Variants in ZNF721 observed in about 807,000 individuals in gnomAD.
ZNF721 encodes the protein zinc finger protein 721.
Under a neutral mutation model 2.4 loss-of-function variants are expected in ZNF721, and 2 were observed. The ratio of observed to expected loss-of-function variants is 0.82; its 90% CI spans 0.34 to 2.58. ZNF721 has a LOEUF of 2.58. Among genes scored for constraint, ZNF721 ranks in the 30% most tolerant of loss-of-function variants. ZNF721 has a pLI of 0.11. For missense variants in ZNF721, 1,187 were observed against 1,085.5 expected (o/e 1.09, Z -1.31); for synonymous variants, 398 against 381.8 (o/e 1.04, Z -0.50).
intron 2 of ZNF721, among the ~76,000 whole-genome samples, chr4:457,871 T>A (rs1714893355): frequency 1.3e-5 from 2 of 152,128 alleles, no homozygotes; most frequent in South Asian, 4.1e-4. Context: ...AGCAGTCCTA[T>A]AACCAAGCTC....
intron 1 of ZNF721, among the ~76,000 whole-genome samples, chr4:477,254 CTTTTTT>C (rs35272784): frequency 1.3e-5 from 1 of 74,166 alleles, no homozygotes; most frequent in Admixed American, 1.8e-4. Context: ...TGGTGAGTTC[CTTTTTT>C]TTTTTTTTTT....
Position 441,776 on chromosome 4 carries a change from G to C in ZNF721, c.2691C>G (p.Asp897Glu), listed in dbSNP as rs369168911. 5.5e-5 allele frequency: 89 copies of C among 1,612,132 alleles called. No individual in the cohort carries two copies. The highest frequency in any genetic ancestry group is 7.4e-5 in the Non-Finnish European group (87 of 1,179,534). ...CAGACTGTCTAAAGGTTTTGCCACA[G>C]TCTCCACACGTGTAGGGTTTCTCTC... ...HTGEKPYTCG[D>E]CGKTFRQSAN... Residue 897 changes from aspartate (D) to glutamate (E), a missense_variant, in exon 3 of 3, where the codon GAC becomes GAG. Transcript: ENST00000511833.
chr4:487,222 T>C (rs1250328192), intron 1 of ZNF721, among the ~76,000 whole-genome samples: 1 of 152,226 alleles, frequency 6.6e-6, no homozygotes. Flanking sequence ...CTTGAATCTC[T>C]TATTTGCACT....
At chr4:494,213 G>A (rs1253193236) in intron 1 of ZNF721, among the ~76,000 whole-genome samples, 1 of 144,448 alleles carries the variant, frequency 6.9e-6, no homozygotes, top group African/African-American at 2.6e-5. Flanking sequence ...ACGGAATCTC[G>A]CTCTGTCACC....
At chr4:490,362 G>A (rs1225387155) in intron 1 of ZNF721, among the ~76,000 whole-genome samples, 1 of 152,104 alleles carries the variant, frequency 6.6e-6, no homozygotes, top group East Asian at 2.0e-4. Context: ...TGTAGTCCCA[G>A]CTACTCAGGA....
chr4:493,017 T>C (rs1553871719), intron 1 of ZNF721, among the ~76,000 whole-genome samples: 1 of 152,006 alleles, frequency 6.6e-6, no homozygotes. Context: ...TTATTTAATA[T>C]AGCTTTATAT....
chr4:489,594 A>G (rs1553871165), intron 1 of ZNF721, among the ~76,000 whole-genome samples: 1 of 152,124 alleles, frequency 6.6e-6, no homozygotes, highest in African/African-American at 2.4e-5. Flanking sequence ...CCTGAGGAGA[A>G]AAGTTGGTAG....
rs1208930438 is a variant in ZNF721 at position 440,608 on chromosome 4, C to A, written c.*1087G>T. 3 of 152,124 alleles carry A rather than the reference C, an allele frequency of 2.0e-5. No homozygotes were observed. The highest frequency in any genetic ancestry group is 7.2e-5 in the African/African-American group (3 of 41,424). The allele number at this position is 152,124 out of a possible 1,614,324, so 9.4% of individuals were successfully genotyped here. A position where few individuals can be genotyped will look rare whatever the true frequency, so the allele number is the denominator to read the frequency against. ...AGTCTTAATTTTAGCCTAAATATTT[C>A]TTCACATTTACTGCACCTACAAATT... On this transcript the variant is annotated 3_prime_UTR_variant, in exon 3 of 3. Coordinates refer to ENST00000511833, the MANE Select transcript of ZNF721 (RefSeq NM_133474.4).
Position 441,758 on chromosome 4 carries a change from T to G in ZNF721, c.2709A>C (p.Arg903Ser), listed in dbSNP as rs1714245019. Reference protein sequence around the residue: ...YTCGDCGKTFRQSANLYAHKK... With the variant: ...YTCGDCGKTFSQSANLYAHKK... ...TATGTGCATAAAGATTTGCAGACTG[T>G]CTAAAGGTTTTGCCACAGTCTCCAC... Residue 903 changes from arginine to serine, a missense_variant, in exon 3 of 3, where the codon AGA (arginine) becomes AGC (serine). Coordinates refer to ENST00000511833, the MANE Select transcript of ZNF721 (RefSeq NM_133474.4). 6.2e-7 allele frequency: 1 copy of G among 1,613,580 alleles called. No individual in the cohort carries two copies. Among genetic ancestry groups the G allele is most frequent in the African/African-American group, 1.3e-5 (1 of 74,922 alleles).
chr4:455,616 G>C (rs2108698247), intron 2 of ZNF721, among the ~76,000 whole-genome samples: 1 of 148,762 alleles, frequency 6.7e-6, no homozygotes, highest in South Asian at 2.1e-4. Flanking sequence ...ATTATGTGAA[G>C]ACAGTAAAAA....
intron 1 of ZNF721, among the ~76,000 whole-genome samples, chr4:489,657 C>G (rs527796043): frequency 7.9e-5 from 12 of 152,318 alleles, no homozygotes; most frequent in South Asian, 2.1e-4. Flanking sequence ...CCCTCACTTT[C>G]TTGAGGTCAG....
intron 1 of ZNF721, among the ~76,000 whole-genome samples, chr4:490,336 T>G (rs1489444313): frequency 6.6e-6 from 1 of 151,632 alleles, no homozygotes; most frequent in Non-Finnish European, 1.5e-5. Context: ...ATTAGCCAGG[T>G]GTGGTGGCAG....
At chr4:453,732 G>A (rs1373719752) in intron 2 of ZNF721, 2 of 152,188 alleles carry the variant, frequency 1.3e-5, no homozygotes, top group Non-Finnish European at 1.5e-5. Flanking sequence ...TTGAAGAATC[G>A]TCCGTGACAA....
chr4:465,224 A>C (rs1169772745), intron 2 of ZNF721, among the ~76,000 whole-genome samples: 1 of 152,126 alleles, frequency 6.6e-6, no homozygotes, highest in Non-Finnish European at 1.5e-5. Context: ...CTCTACAAAA[A>C]AATACCAAAA....
chr4:490,603 G>T (rs1381107187), intron 1 of ZNF721, among the ~76,000 whole-genome samples: 3 of 152,114 alleles, frequency 2.0e-5, no homozygotes, highest in Non-Finnish European at 2.9e-5. Flanking sequence ...ATTTTTTAGA[G>T]GTTTGCTTTC....
chr4:485,120 G>A (rs1244230814), intron 1 of ZNF721, among the ~76,000 whole-genome samples: 3 of 152,064 alleles, frequency 2.0e-5, no homozygotes, highest in Admixed American at 2.0e-4. Flanking sequence ...TGATCTGCCT[G>A]CCTCGGCCTC....
intron 2 of ZNF721, among the ~76,000 whole-genome samples, chr4:457,382 T>C (rs1358413918): frequency 6.6e-6 from 1 of 152,182 alleles, no homozygotes; most frequent in Non-Finnish European, 1.5e-5. Flanking sequence ...GAGGGCTGTA[T>C]TGAAAAGACA....
intron 1 of ZNF721, among the ~76,000 whole-genome samples, chr4:494,958 CGGCTCACT>C (rs1716112465): frequency 6.7e-6 from 1 of 149,502 alleles, no homozygotes; most frequent in Non-Finnish European, 1.5e-5. Flanking sequence ...GGCGCCATCT[CGGCTCACT>C]GCAAGCTCCG....
At position 465,911 on chromosome 4, in the gene ZNF721, A is replaced by C. The variant is rs115980036; in HGVS notation, c.34+6664T>G. Among the ~76,000 whole-genome samples, 460 of 152,124 alleles carry C rather than the reference A, an allele frequency of 3.0e-3. 3 individuals are homozygous for C. Among genetic ancestry groups the C allele is most frequent in the Non-Finnish European group, 5.2e-3 (355 of 67,984 alleles). ...AGCATGAAAGGATTAAAAAACAGAA[A>C]CTACTACATGGTCAGAAAACAATGA... is the stretch of plus-strand genomic sequence containing the variant. On this transcript the variant is annotated intron_variant, in intron 2 of 2. Transcript: ENST00000511833.
Sources: gnomAD v4.1 joint callset for allele counts (sites outside exome capture counted in the v4.1 genomes callset) on GRCh38, gnomAD v4.1.1 for gene constraint, MANE v1.5 for transcripts, NCBI Gene and HGNC (gene_info 2026-07-23, HGNC 2026-07-21) for gene names.